The following DISC1 variants were observed in gnomAD, a reference collection of about 807,000 sequenced individuals.
The protein encoded by DISC1 is disrupted in schizophrenia 1 protein.
Under a neutral mutation model 84.5 loss-of-function variants are expected in DISC1, and 57 were observed. The observed-to-expected ratio is 0.67, with a 90% CI of 0.55 to 0.84. DISC1 has a LOEUF of 0.84. DISC1 is among the 40% of genes least tolerant of loss of function. DISC1 has a pLI of 0.00. For synonymous variants in DISC1, 411 were observed against 415.2 expected, an observed-to-expected ratio of 0.99 and a Z score of 0.12; for missense variants, 1,000 against 1,057.8, an observed-to-expected ratio of 0.95 and a Z score of 0.76.
intron 11 of DISC1, among the ~76,000 whole-genome samples, chr1:232,022,597 C>T (rs192881014): frequency 9.5e-4 from 144 of 152,242 alleles, no homozygotes; most frequent in African/African-American, 3.2e-3. Context: ...TGAGCCACCG[C>T]ACCCAGCCAA....
chr1:231,627,272 T>C (rs544970002), intron 1 of DISC1, among the ~76,000 whole-genome samples: 8 of 152,122 alleles, frequency 5.3e-5, no homozygotes, highest in Admixed American at 4.6e-4. Context: ...GTGCTTGGGG[T>C]TTGGATCCGT....
chr1:232,017,195 C>T (rs1051807742), intron 11 of DISC1, among the ~76,000 whole-genome samples: 1 of 152,154 alleles, frequency 6.6e-6, no homozygotes, highest in African/African-American at 2.4e-5. Context: ...ATATTTAAGG[C>T]AGTGATTTTA....
At chr1:231,798,024 T>C (rs1442166564) in intron 7 of DISC1, among the ~76,000 whole-genome samples, 1 of 151,784 alleles carries the variant, frequency 6.6e-6, no homozygotes, top group Non-Finnish European at 1.5e-5. Flanking sequence ...CACCTTTCTC[T>C]GTACTTTAAA....
At chr1:231,772,012 C>G (rs2076590129) in intron 6 of DISC1, among the ~76,000 whole-genome samples, 1 of 150,930 alleles carries the variant, frequency 6.6e-6, no homozygotes, top group South Asian at 2.1e-4. Context: ...TGGTGTCTCT[C>G]TATGTTGCCC....
intron 2 of DISC1, among the ~76,000 whole-genome samples, chr1:231,695,965 T>G (rs1212038927): frequency 6.6e-6 from 1 of 152,202 alleles, no homozygotes; most frequent in South Asian, 2.1e-4. Flanking sequence ...AGATGCAGGC[T>G]TGTATTCTGG....
At chr1:231,960,084 G>A (rs932659864) in intron 10 of DISC1, among the ~76,000 whole-genome samples, 5 of 152,086 alleles carry the variant, frequency 3.3e-5, no homozygotes, top group East Asian at 3.9e-4. Context: ...CTAACCTTAG[G>A]TAAGTGCTCA....
chr1:232,005,065 TCTCC>T (rs140403941), intron 10 of DISC1, among the ~76,000 whole-genome samples: 14 of 88,168 alleles, frequency 1.6e-4, no homozygotes, highest in East Asian at 3.8e-4. Context: ...TCCTTCCCTC[TCTCC>T]CTCCCTCCCT....
intron 8 of DISC1, 103 bp downstream of exon 8, chr1:231,800,313 C>A: frequency 3.3e-6 from 3 of 922,368 alleles, no homozygotes; most frequent in Non-Finnish European, 5.2e-6. Flanking sequence ...GTTATTATGT[C>A]ATTCTCAGAC....
intron 9 of DISC1, among the ~76,000 whole-genome samples, chr1:231,873,101 C>T (rs2085586679): frequency 6.6e-6 from 1 of 152,212 alleles, no homozygotes; most frequent in Non-Finnish European, 1.5e-5. Flanking sequence ...AGGGCCTTCA[C>T]CTCCAGGGCC....
At chr1:231,907,127 CTTCCTCTTTCTTTCTTTCTTTCTT>C (rs1278812691) in intron 9 of DISC1, among the ~76,000 whole-genome samples, 2 of 48,596 alleles carry the variant, frequency 4.1e-5, no homozygotes, top group African/African-American at 9.2e-5. Context: ...TCCTTCCTTC[CTTCCTCTTTCTTTCTTTCTTTCTT>C]TCTTTCTTTC....
chr1:231,911,723 C>T (rs941065325), intron 9 of DISC1, among the ~76,000 whole-genome samples: 3 of 152,182 alleles, frequency 2.0e-5, no homozygotes, highest in Non-Finnish European at 4.4e-5. Context: ...GTTGGCCTGC[C>T]TTGCTAGGTT....
chr1:231,635,070 G>C (rs919397205), intron 1 of DISC1, among the ~76,000 whole-genome samples: 24 of 152,194 alleles, frequency 1.6e-4, no homozygotes, highest in African/African-American at 5.5e-4. Context: ...AGGTGTTCCA[G>C]CCCTTCCTGT....
In DISC1 at chr1:232,039,053, C is replaced by G. The variant is rs540795424; in HGVS notation, c.*2222C>G. 1 of 152,334 alleles carries G rather than the reference C, an allele frequency of 6.6e-6. No individual in the cohort carries two copies. The highest frequency in any genetic ancestry group is 2.1e-4 in the South Asian group (1 of 4,830). 9.4% of individuals were successfully genotyped at this position (152,334 alleles called of 1,614,324 possible). On this transcript the variant is annotated 3_prime_UTR_variant, in exon 13 of 13. Transcript: ENST00000439617. ...ATGGCTTTATCTCGAGCAAAATACACTCTACATATTTTAATAATAAGTATA... is the reference window on the plus strand; with the variant it reads ...ATGGCTTTATCTCGAGCAAAATACAGTCTACATATTTTAATAATAAGTATA...
chr1:231,880,276 G>A (rs150660617), intron 9 of DISC1, among the ~76,000 whole-genome samples: 169 of 152,206 alleles, frequency 1.1e-3, no homozygotes, highest in African/African-American at 3.9e-3. Flanking sequence ...GCTGCCCCTC[G>A]ACCTTGGACT....
At chr1:231,719,249 C>T (rs1435125448) in intron 3 of DISC1, among the ~76,000 whole-genome samples, 2 of 152,144 alleles carry the variant, frequency 1.3e-5, no homozygotes, top group Non-Finnish European at 2.9e-5. Flanking sequence ...CTGTTAGCCT[C>T]CTAGGGAAAG....
Position 231,907,512 on chromosome 1 carries a change from T to A in DISC1, c.1982-51316T>A, listed in dbSNP as rs185983354. 9.9e-4 allele frequency among the ~76,000 whole-genome samples: 151 copies of A among 152,280 alleles called. 1 individual carries two copies. Among genetic ancestry groups the A allele is most frequent in the Non-Finnish European group, 2.0e-3 (134 of 68,014 alleles). The stretch of plus-strand genomic sequence containing the variant: ...GACATGTGGGCTCCTGAACTTATCC[T>A]TTTTTATGGCTGCATAGTATTCCAT... On this transcript the variant is annotated intron_variant, in intron 9 of 12. Transcript: ENST00000439617.
intron 1 of DISC1, among the ~76,000 whole-genome samples, chr1:231,679,975 C>T (rs936546364): frequency 1.3e-5 from 2 of 152,154 alleles, no homozygotes; most frequent in Non-Finnish European, 2.9e-5. Context: ...TGCCTGTAAT[C>T]CCAGCACTTT....
At chr1:231,636,962 A>AC (rs34520129) in intron 1 of DISC1, among the ~76,000 whole-genome samples, 1 of 150,374 alleles carries the variant, frequency 6.7e-6, no homozygotes, top group African/African-American at 2.5e-5. Flanking sequence ...CTTGACCCCT[A>AC]CCCCCCAGCA....
chr1:231,822,842 G>C lies in DISC1; in HGVS notation c.1981+4325G>C, dbSNP rs114942823. On this transcript the variant is annotated intron_variant, in intron 9 of 12. Transcript: ENST00000439617. ...GCTGGCCTAGGCAGATCACTGGTGA[G>C]AGAGGAAGCAAAAAGAGAGAGAAGG... is the stretch of plus-strand genomic sequence containing the variant. Among the ~76,000 whole-genome samples, 628 of 152,258 alleles carry C rather than the reference G, an allele frequency of 4.1e-3. 4 individuals carry two copies. Among genetic ancestry groups the C allele is most frequent in the Non-Finnish European group, 7.4e-3 (501 of 68,000 alleles).
Sources: gnomAD v4.1 joint callset for allele counts (sites outside exome capture counted in the v4.1 genomes callset) on GRCh38, gnomAD v4.1.1 for gene constraint, MANE v1.5 for transcripts, NCBI Gene and HGNC (gene_info 2026-07-23, HGNC 2026-07-21) for gene names.